The following PIP4K2A variants were observed in gnomAD, a reference collection of about 807,000 sequenced individuals.
PIP4K2A encodes the protein phosphatidylinositol 5-phosphate 4-kinase type-2 alpha.
PIP4K2A carries 14 observed loss-of-function variants against 42.9 expected under a neutral mutation model. The ratio of observed to expected loss-of-function variants is 0.33; its 90% CI spans 0.22 to 0.51. The LOEUF (loss-of-function observed/expected upper bound fraction) is 0.51. Ranked by LOEUF, PIP4K2A falls within the 20% of genes least tolerant of loss-of-function variation. The pLI is 0.97. For missense variants in PIP4K2A, 434 were observed against 519.8 expected, an observed-to-expected ratio of 0.83 and a Z score of 1.61; for synonymous variants, 192 against 192.2, an observed-to-expected ratio of 1.00 and a Z score of 0.01.
At chr10:22,562,959 G>A (rs1276887694) in intron 6 of PIP4K2A, among the ~76,000 whole-genome samples, 1 of 152,192 alleles carries the variant, frequency 6.6e-6, no homozygotes, top group Non-Finnish European at 1.5e-5. Context: ...GACGGTGGGT[G>A]GGAGCCAGAT....
At position 22,536,724 on chromosome 10, in the gene PIP4K2A, A is replaced by AAAAAAAAAAAAAAAAAAAACAAAAC. The variant is rs1554791590; in HGVS notation, c.*476_*477insGTTTTGTTTTTTTTTTTTTTTTTTT. 7 of 136,906 alleles carry AAAAAAAAAAAAAAAAAAAACAAAAC rather than the reference A, an allele frequency of 5.1e-5. 1 individual carries two copies. Among genetic ancestry groups the AAAAAAAAAAAAAAAAAAAACAAAAC allele is most frequent in the Non-Finnish European group, 9.8e-5 (6 of 61,228 alleles). 8.5% of individuals were successfully genotyped at this position (136,906 alleles called of 1,614,324 possible). A position where few individuals can be genotyped will look rare whatever the true frequency, so the allele number is the denominator to read the frequency against. On this transcript the variant is annotated 3_prime_UTR_variant, in exon 10 of 10. Transcript: ENST00000376573. ...CACATCTTTCAACTCCAAAAAAAAA[A>AAAAAAAAAAAAAAAAAAAACAAAAC]AAAAAAAAAAAAAACTGATCCACAG...
intron 4 of PIP4K2A, 106 bp downstream of exon 4, chr10:22,591,523 T>C (rs751273366): frequency 9.3e-6 from 8 of 864,860 alleles, no homozygotes; most frequent in Non-Finnish European, 1.4e-5. Context: ...ATGTGAAATG[T>C]GTTCTTCTTG....
rs941637195 is a variant in PIP4K2A at position 22,645,005 on chromosome 10, C to G, written c.145-35288G>C. Among the ~76,000 whole-genome samples the G allele has an allele frequency of 2.6e-5, 4 of 152,300 alleles. No individual in the cohort carries two copies. The East Asian group carries it at 7.7e-4, about 29-fold the overall frequency. ...GTTTTCTAAGACTTACTGCCTACCC[C>G]CTTCCCCCTATGCTGGGGACTTACT... is the stretch of plus-strand genomic sequence containing the variant. On this transcript the variant is annotated intron_variant, in intron 1 of 9. Coordinates refer to ENST00000376573, the MANE Select transcript of PIP4K2A (RefSeq NM_005028.5).
intron 3 of PIP4K2A, among the ~76,000 whole-genome samples, chr10:22,596,205 C>CAAAAAAAAAAAAAAAAAAAAAAAAAA (rs10681238): frequency 1.4e-5 from 1 of 69,664 alleles, no homozygotes; most frequent in African/African-American, 6.3e-5. Flanking sequence ...AACTCCGTCT[C>CAAAAAAAAAAAAAAAAAAAAAAAAAA]AAAAAAAAAA....
chr10:22,634,491 T>C (rs2130777817), intron 1 of PIP4K2A, among the ~76,000 whole-genome samples: 1 of 152,378 alleles, frequency 6.6e-6, no homozygotes, highest in Admixed American at 6.5e-5. Flanking sequence ...TTATACCATA[T>C]TCTGCATATG....
intron 1 of PIP4K2A, among the ~76,000 whole-genome samples, chr10:22,640,988 G>GA (rs1037638239): frequency 1.3e-5 from 2 of 151,150 alleles, no homozygotes; most frequent in Non-Finnish European, 3.0e-5. Context: ...ATTCCATTTT[G>GA]AAAAAAAAAT....
intron 1 of PIP4K2A, among the ~76,000 whole-genome samples, chr10:22,684,839 G>A (rs988855497): frequency 6.6e-6 from 1 of 152,226 alleles, no homozygotes. Flanking sequence ...CTGAAGTTGT[G>A]CTTTGGTGGG....
chr10:22,581,371 C>G (rs1837275228), intron 4 of PIP4K2A, among the ~76,000 whole-genome samples: 1 of 152,140 alleles, frequency 6.6e-6, no homozygotes, highest in African/African-American at 2.4e-5. Context: ...ACCAATTCTT[C>G]TTATACTTGC....
intron 6 of PIP4K2A, among the ~76,000 whole-genome samples, chr10:22,552,892 T>C (rs1288408947): frequency 6.6e-6 from 1 of 152,040 alleles, no homozygotes; most frequent in Non-Finnish European, 1.5e-5. Flanking sequence ...TTTTTTCTGG[T>C]TTTGTATAAA....
At chr10:22,695,401 A>G (rs1442039822) in intron 1 of PIP4K2A, among the ~76,000 whole-genome samples, 4 of 152,332 alleles carry the variant, frequency 2.6e-5, no homozygotes, top group East Asian at 1.9e-4. Context: ...ATTAGTGGTC[A>G]TCACTGCAGT....
intron 3 of PIP4K2A, among the ~76,000 whole-genome samples, chr10:22,595,435 T>C (rs2130827235): frequency 6.6e-6 from 1 of 152,364 alleles, no homozygotes; most frequent in South Asian, 2.1e-4. Flanking sequence ...TCATTTACTT[T>C]CTTGCCTTCT....
At chr10:22,631,126 T>C (rs1838537765) in intron 1 of PIP4K2A, among the ~76,000 whole-genome samples, 1 of 152,234 alleles carries the variant, frequency 6.6e-6, no homozygotes, top group Non-Finnish European at 1.5e-5. Context: ...TGATGGTCAA[T>C]ACAGAGTTTC....
intron 1 of PIP4K2A, among the ~76,000 whole-genome samples, chr10:22,630,174 C>CA (rs1172702333): frequency 0.012 from 1,275 of 102,474 alleles, 11 homozygotes; most frequent in East Asian, 0.035. Flanking sequence ...TTCATGACTA[C>CA]AAAAAAAAAA....
intron 4 of PIP4K2A, among the ~76,000 whole-genome samples, chr10:22,577,677 C>A (rs1837156349): frequency 6.6e-6 from 1 of 152,152 alleles, no homozygotes; most frequent in Non-Finnish European, 1.5e-5. Flanking sequence ...ACGGTGGATC[C>A]CCTTCTGAGA....
intron 6 of PIP4K2A, among the ~76,000 whole-genome samples, chr10:22,560,747 C>A (rs1836670626): frequency 6.6e-6 from 1 of 152,222 alleles, no homozygotes; most frequent in Non-Finnish European, 1.5e-5. Context: ...CTCCATTACA[C>A]ATACTTTACT....
chr10:22,577,691 G>T (rs1837156664), intron 4 of PIP4K2A, among the ~76,000 whole-genome samples: 1 of 152,174 alleles, frequency 6.6e-6, no homozygotes, highest in Non-Finnish European at 1.5e-5. Context: ...TCTGAGAGTG[G>T]TCTCTCCAGT....
At chr10:22,674,805 A>G (rs1179383245) in intron 1 of PIP4K2A, among the ~76,000 whole-genome samples, 1 of 151,786 alleles carries the variant, frequency 6.6e-6, no homozygotes, top group African/African-American at 2.4e-5. Flanking sequence ...AAATAAATAA[A>G]TAAATAAAAC....
chr10:22,588,199 A>T (rs183681472), intron 4 of PIP4K2A, among the ~76,000 whole-genome samples: 18 of 152,386 alleles, frequency 1.2e-4, no homozygotes, highest in Admixed American at 7.2e-4. Flanking sequence ...AATGTAATTT[A>T]AAAATGGACA....
intron 3 of PIP4K2A, among the ~76,000 whole-genome samples, chr10:22,599,961 C>G (rs543706738): frequency 2.0e-5 from 3 of 152,108 alleles, no homozygotes; most frequent in Non-Finnish European, 4.4e-5. Flanking sequence ...TTCCTCTAAA[C>G]GTCTGCGCTG....
Sources: gnomAD v4.1 joint callset for allele counts (sites outside exome capture counted in the v4.1 genomes callset) on GRCh38, gnomAD v4.1.1 for gene constraint, MANE v1.5 for transcripts, NCBI Gene and HGNC (gene_info 2026-07-23, HGNC 2026-07-21) for gene names.